TLL1: variants seen among roughly 807,000 people sequenced by gnomAD.
TLL1 encodes tolloid like 1, also known as tolloid-like protein 1.
Under a neutral mutation model 128.2 loss-of-function variants are expected in TLL1, and 49 were observed. That is an observed-to-expected ratio of 0.38 (90% CI 0.30 to 0.48). The LOEUF is 0.48. Ranked by LOEUF, TLL1 falls within the 20% of genes least tolerant of loss-of-function variation. The pLI, the probability that TLL1 is intolerant of heterozygous loss-of-function variation, is 0.96. For missense variants in TLL1, 1,123 were observed against 1,242.0 expected (o/e 0.90, Z 1.44); for synonymous variants, 454 against 418.8 (o/e 1.08, Z -1.03).
At position 166,040,244 on chromosome 4, in the gene TLL1, G is replaced by T. The variant is rs528321226; in HGVS notation, c.1261+803G>T. On this transcript the variant is annotated intron_variant, in intron 10 of 20. Transcript: ENST00000061240. Reference sequence around the variant, plus strand: ...TTAACATCTAACACCTACTGAATGGGCACAATTGTATTAAAAGTGACAGCA... The same window carrying T: ...TTAACATCTAACACCTACTGAATGGTCACAATTGTATTAAAAGTGACAGCA... Among the ~76,000 whole-genome samples, 9 of 152,216 alleles carry T rather than the reference G, an allele frequency of 5.9e-5. No individual in the cohort carries two copies. The South Asian group carries it at 1.5e-3, about 25-fold the overall frequency.
intron 5 of TLL1, among the ~76,000 whole-genome samples, chr4:166,002,606 A>C (rs1737221509): frequency 6.6e-6 from 1 of 151,894 alleles, no homozygotes; most frequent in South Asian, 2.1e-4. Context: ...CACTATGCCC[A>C]GCTAATTTTT....
intron 18 of TLL1, among the ~76,000 whole-genome samples, chr4:166,088,293 G>T (rs2111154547): frequency 6.6e-6 from 1 of 152,186 alleles, no homozygotes; most frequent in South Asian, 2.1e-4. Flanking sequence ...TCATGGTTCA[G>T]CTTGTGTTGT....
chr4:166,097,595 G>A (rs1288302232), intron 19 of TLL1, among the ~76,000 whole-genome samples: 2 of 152,088 alleles, frequency 1.3e-5, no homozygotes, highest in Non-Finnish European at 2.9e-5. Context: ...CATGAATTCA[G>A]ACATATGTGA....
In TLL1 at chr4:166,100,880, C is replaced by A. The variant is rs764299104; in HGVS notation, c.*4C>A. On this transcript the variant is annotated 3_prime_UTR_variant, in exon 21 of 21. Transcript: ENST00000061240. ...TACCACACATACCAAAAAATAACAC[C>A]AAAACCTCTGTCAGAACACAAAGGA... 1 of 1,612,074 alleles carries A rather than the reference C, an allele frequency of 6.2e-7. No individual in the cohort carries two copies. Among genetic ancestry groups the A allele is most frequent in the Non-Finnish European group, 8.5e-7 (1 of 1,178,958 alleles).
chr4:165,932,228 G>A (rs1397989196), intron 1 of TLL1, among the ~76,000 whole-genome samples: 1 of 152,068 alleles, frequency 6.6e-6, no homozygotes, highest in Non-Finnish European at 1.5e-5. Context: ...ATGAACCCAA[G>A]CACTGCTGTT....
At chr4:166,055,688 C>T (rs1025938861) in intron 13 of TLL1, among the ~76,000 whole-genome samples, 1 of 152,088 alleles carries the variant, frequency 6.6e-6, no homozygotes, top group Non-Finnish European at 1.5e-5. Context: ...AATTTATGAC[C>T]TCCTTAGCAG....
In TLL1 at chr4:166,045,694, T is replaced by C. The variant is rs77842760; in HGVS notation, c.1524+2275T>C. On this transcript the variant is annotated intron_variant, in intron 12 of 20. Transcript: ENST00000061240. ...TTATCATGGGCCACGGTACTTTTGA[T>C]TGGTCTTTGGCTCCTCCTCACTCCC... Among the ~76,000 whole-genome samples the C allele has an allele frequency of 6.6e-3, 1,004 of 152,206 alleles. 7 individuals carry two copies. The highest frequency in any genetic ancestry group is 0.023 in the African/African-American group (951 of 41,530).
chr4:165,892,164 A>G (rs1452781662), intron 1 of TLL1, among the ~76,000 whole-genome samples: 1 of 152,218 alleles, frequency 6.6e-6, no homozygotes, highest in Non-Finnish European at 1.5e-5. Flanking sequence ...TGAAAACAGC[A>G]TGGATGTTAC....
rs1030375694 is a variant in TLL1, at chr4:165,966,483, C to T, written c.170-22898C>T. ...TAACTTTCCAATTAATTCTAATGTTCACACTCTGAGAAATCTTACCAGGGA... is the reference window on the plus strand; with the variant it reads ...TAACTTTCCAATTAATTCTAATGTTTACACTCTGAGAAATCTTACCAGGGA... On this transcript the variant is annotated intron_variant, in intron 1 of 20. Transcript: ENST00000061240. Among the ~76,000 whole-genome samples, 16 of 152,110 alleles carry T rather than the reference C, an allele frequency of 1.1e-4. 1 individual carries two copies. The highest frequency in any genetic ancestry group is 2.9e-4 in the African/African-American group (12 of 41,410).
intron 9 of TLL1, among the ~76,000 whole-genome samples, chr4:166,031,240 C>G (rs1738752468): frequency 6.6e-6 from 1 of 150,914 alleles, no homozygotes; most frequent in Non-Finnish European, 1.5e-5. Context: ...ACACCTCATA[C>G]AATCCAAAAA....
chr4:165,972,581 ATACTC>A (rs1396708647), intron 1 of TLL1, among the ~76,000 whole-genome samples: 1 of 152,038 alleles, frequency 6.6e-6, no homozygotes, highest in Admixed American at 6.6e-5. Flanking sequence ...ACCCTGAATA[ATACTC>A]TTGGTTGACT....
Position 166,057,168 on chromosome 4 carries a change from A to G in TLL1, c.1721-16A>G, listed in dbSNP as rs755356961. ...ATATATGTATAGTTGTTCTATAACT[A>G]TGACCATTTTCATAGAGGAAGATGA... On this transcript the variant is annotated splice_polypyrimidine_tract_variant and intron_variant, in intron 13 of 20. Coordinates refer to ENST00000061240, the MANE Select transcript of TLL1 (RefSeq NM_012464.5). 2 of 1,613,636 alleles carry G rather than the reference A, an allele frequency of 1.2e-6. No individual in the cohort carries two copies. Among genetic ancestry groups the G allele is most frequent in the Middle Eastern group, 1.7e-4 (1 of 6,054 alleles).
At chr4:165,952,182 G>A (rs1734556661) in intron 1 of TLL1, among the ~76,000 whole-genome samples, 2 of 152,114 alleles carry the variant, frequency 1.3e-5, no homozygotes, top group African/African-American at 2.4e-5. Context: ...CCAAGTCAAG[G>A]AAAATGTGAA....
chr4:166,038,410 A>G (rs993107453), intron 9 of TLL1, among the ~76,000 whole-genome samples: 1 of 152,016 alleles, frequency 6.6e-6, no homozygotes, highest in Non-Finnish European at 1.5e-5. Context: ...CAATTTCTAG[A>G]GTAGAGAACT....
At chr4:165,962,660 G>T (rs1735166617) in intron 1 of TLL1, among the ~76,000 whole-genome samples, 3 of 151,902 alleles carry the variant, frequency 2.0e-5, no homozygotes, top group East Asian at 1.9e-4. Context: ...GGTAAGCCAG[G>T]TGCTCATCAA....
intron 10 of TLL1, among the ~76,000 whole-genome samples, chr4:166,039,743 T>C (rs763685251): frequency 1.1e-4 from 17 of 152,288 alleles, no homozygotes; most frequent in Non-Finnish European, 1.5e-4. Context: ...ACAGTGTTTC[T>C]GTATTTTTGC....
At chr4:165,911,311 C>T (rs1023636684) in intron 1 of TLL1, among the ~76,000 whole-genome samples, 2 of 152,128 alleles carry the variant, frequency 1.3e-5, no homozygotes, top group African/African-American at 4.8e-5. Flanking sequence ...CTGGGCTGGA[C>T]TTATTACACT....
At chr4:165,970,207 A>G (rs1735571074) in intron 1 of TLL1, among the ~76,000 whole-genome samples, 1 of 151,324 alleles carries the variant, frequency 6.6e-6, no homozygotes, top group African/African-American at 2.5e-5. Context: ...TATGTTTATT[A>G]TTTACTTTTG....
intron 18 of TLL1, among the ~76,000 whole-genome samples, chr4:166,087,487 G>A (rs1157467138): frequency 6.6e-6 from 1 of 152,102 alleles, no homozygotes; most frequent in Non-Finnish European, 1.5e-5. Context: ...CCAAATGCCA[G>A]CTTTTACCAA....
Sources: gnomAD v4.1 joint callset for allele counts (sites outside exome capture counted in the v4.1 genomes callset) on GRCh38, gnomAD v4.1.1 for gene constraint, MANE v1.5 for transcripts, NCBI Gene and HGNC (gene_info 2026-07-23, HGNC 2026-07-21) for gene names.